Variants in CAMTA1 observed in about 807,000 individuals in gnomAD.
The protein encoded by CAMTA1 is calmodulin binding transcription activator 1.
In CAMTA1, 27 loss-of-function variants were observed where a neutral mutation model predicts 170.9. The observed-to-expected ratio is 0.16, with a 90% CI of 0.12 to 0.22. CAMTA1 has a LOEUF of 0.22. Ranked by LOEUF, CAMTA1 falls within the 10% of genes least tolerant of loss-of-function variation. The probability of loss-of-function intolerance (pLI) is 1.00; values close to 1 mark genes in which losing one functional copy is unlikely to be tolerated. For missense variants in CAMTA1, 1,619 were observed against 2,217.2 expected (o/e 0.73, Z 5.42); for synonymous variants, 833 against 891.5 (o/e 0.93, Z 1.17).
At chr1:7,307,541 C>T (rs917221696) in intron 5 of CAMTA1, among the ~76,000 whole-genome samples, 1 of 151,986 alleles carries the variant, frequency 6.6e-6, no homozygotes, top group Non-Finnish European at 1.5e-5. Flanking sequence ...ACATTCAAGT[C>T]TTTCACCATT....
chr1:7,362,308 A>G (rs2085598350), intron 5 of CAMTA1, among the ~76,000 whole-genome samples: 1 of 152,156 alleles, frequency 6.6e-6, no homozygotes, highest in Non-Finnish European at 1.5e-5. Flanking sequence ...GAGTTAGTGA[A>G]CTTGGGTAGA....
At chr1:7,085,764 TGCTGGCTCCCAGCTG>T (rs1476667363) in intron 3 of CAMTA1, among the ~76,000 whole-genome samples, 10 of 152,238 alleles carry the variant, frequency 6.6e-5, no homozygotes, top group Admixed American at 4.6e-4. Flanking sequence ...CCTCCAGCCC[TGCTGGCTCCCAGCTG>T]GCTGGCTCCT....
At chr1:7,558,205 G>A (rs2094906481) in intron 6 of CAMTA1, among the ~76,000 whole-genome samples, 1 of 152,230 alleles carries the variant, frequency 6.6e-6, no homozygotes, top group South Asian at 2.1e-4. Context: ...GGGGCCGCAT[G>A]GGGCCTGTGC....
At chr1:7,101,860 C>A (rs1642752104) in intron 4 of CAMTA1, among the ~76,000 whole-genome samples, 1 of 152,168 alleles carries the variant, frequency 6.6e-6, no homozygotes, top group South Asian at 2.1e-4. Context: ...TATGCATGTG[C>A]CCAGGCAATA....
chr1:7,430,531 C>T (rs1250028785), intron 5 of CAMTA1, among the ~76,000 whole-genome samples: 4 of 147,350 alleles, frequency 2.7e-5, no homozygotes, highest in East Asian at 2.1e-4. Context: ...AACCTGCTGC[C>T]GATGATGATG....
In CAMTA1 at chr1:7,385,741, G is replaced by A. The variant is rs1394479744; in HGVS notation, c.439-82089G>A. ...CTGCTTTCCAAAGTGATTCTGGGGT[G>A]CCCGCTCCCCAGCACTTTCTCCCAA... On this transcript the variant is annotated intron_variant, in intron 5 of 22. Coordinates refer to ENST00000303635, the MANE Select transcript of CAMTA1 (RefSeq NM_015215.4). Among the ~76,000 whole-genome samples, 3 of 152,310 alleles carry A rather than the reference G, an allele frequency of 2.0e-5. No homozygotes were observed. The East Asian group carries it at 5.8e-4, about 29-fold the overall frequency.
At chr1:7,225,319 C>T (rs577882661) in intron 4 of CAMTA1, among the ~76,000 whole-genome samples, 4 of 152,232 alleles carry the variant, frequency 2.6e-5, no homozygotes, top group South Asian at 2.1e-4. Flanking sequence ...CTCCTGACCT[C>T]GTGATCCGCC....
chr1:6,937,007 CAGAG>C (rs899324855), intron 3 of CAMTA1, among the ~76,000 whole-genome samples: 20 of 151,866 alleles, frequency 1.3e-4, no homozygotes, highest in African/African-American at 3.4e-4. Flanking sequence ...ACAAAAAAAA[CAGAG>C]AGAGGATTCC....
chr1:7,654,184 C>A (rs191029839), intron 7 of CAMTA1, among the ~76,000 whole-genome samples: 1 of 152,032 alleles, frequency 6.6e-6, no homozygotes, highest in Admixed American at 6.5e-5. Flanking sequence ...AGTTCAAGAC[C>A]AGCCTGACCA....
chr1:7,550,510 G>A (rs1197345115), intron 6 of CAMTA1, among the ~76,000 whole-genome samples: 1 of 149,220 alleles, frequency 6.7e-6, no homozygotes, highest in Admixed American at 6.7e-5. Flanking sequence ...CATATGGTAG[G>A]GGCCTCGCCC....
chr1:7,445,337 T>C (rs1363736816), intron 5 of CAMTA1, among the ~76,000 whole-genome samples: 2 of 151,684 alleles, frequency 1.3e-5, no homozygotes, highest in Non-Finnish European at 2.9e-5. Flanking sequence ...GAGGAAAGAC[T>C]GCCCCACAGA....
At chr1:7,278,987 G>A (rs1671122708) in intron 5 of CAMTA1, among the ~76,000 whole-genome samples, 1 of 152,114 alleles carries the variant, frequency 6.6e-6, no homozygotes, top group Admixed American at 6.5e-5. Flanking sequence ...GGCTGGGGAG[G>A]GCCATGAGGA....
At chr1:7,159,815 T>G (rs371421816) in intron 4 of CAMTA1, among the ~76,000 whole-genome samples, 1 of 152,220 alleles carries the variant, frequency 6.6e-6, no homozygotes, top group Non-Finnish European at 1.5e-5. Context: ...CCCAAAGTGC[T>G]GGGAATTACA....
At chr1:7,718,833 A>C (rs538563505) in intron 11 of CAMTA1, among the ~76,000 whole-genome samples, 1 of 145,550 alleles carries the variant, frequency 6.9e-6, no homozygotes, top group Non-Finnish European at 1.5e-5. Flanking sequence ...CTGGGATTAC[A>C]GGCATGAGCC....
At chr1:7,309,201 A>AT (rs999354481) in intron 5 of CAMTA1, among the ~76,000 whole-genome samples, 4 of 148,568 alleles carry the variant, frequency 2.7e-5, no homozygotes, top group Non-Finnish European at 5.9e-5. Context: ...TCTGAAATGC[A>AT]TTTTTTGGGA....
chr1:7,307,283 G>A (rs1675740001), intron 5 of CAMTA1, among the ~76,000 whole-genome samples: 1 of 151,706 alleles, frequency 6.6e-6, no homozygotes, highest in South Asian at 2.1e-4. Context: ...TGAGTTTTGT[G>A]TGTTCATCTT....
At chr1:7,453,281 G>A (rs779800541) in intron 5 of CAMTA1, among the ~76,000 whole-genome samples, 4 of 152,218 alleles carry the variant, frequency 2.6e-5, no homozygotes, top group Non-Finnish European at 4.4e-5. Flanking sequence ...TGAGCCACAC[G>A]GGGTGACTGT....
At chr1:7,182,255 AAGTGGCTGGGCAC>A (rs1652325358) in intron 4 of CAMTA1, among the ~76,000 whole-genome samples, 1 of 152,132 alleles carries the variant, frequency 6.6e-6, no homozygotes, top group Non-Finnish European at 1.5e-5. Context: ...AAAGTACTAG[AAGTGGCTGGGCAC>A]AGTGGCTCAT....
At chr1:7,412,114 T>C (rs1459465824) in intron 5 of CAMTA1, among the ~76,000 whole-genome samples, 3 of 152,168 alleles carry the variant, frequency 2.0e-5, no homozygotes, top group African/African-American at 7.2e-5. Context: ...CTGCATAGTA[T>C]TCCATGGGGT....
Sources: allele counts gnomAD v4.1 joint callset (sites outside exome capture counted in the v4.1 genomes callset), GRCh38; gene constraint gnomAD v4.1.1; transcripts MANE v1.5; gene names NCBI Gene and HGNC (gene_info 2026-07-23, HGNC 2026-07-21).